BTBD9: variants seen among roughly 807,000 people sequenced by gnomAD.
BTBD9 encodes the protein BTB/POZ domain-containing protein 9.
BTBD9 carries 49 observed loss-of-function variants against 64.3 expected under a neutral mutation model. The ratio of observed to expected loss-of-function variants is 0.76; its 90% confidence interval spans 0.61 to 0.97. The LOEUF is 0.97. Among genes scored for constraint, BTBD9 ranks in the 50% least tolerant of loss-of-function variants. The pLI is 0.00. For missense variants in BTBD9, 598 were observed against 762.1 expected (o/e 0.78, Z 2.53); for synonymous variants, 260 against 274.7 (o/e 0.95, Z 0.53).
intron 1 of BTBD9, among the ~76,000 whole-genome samples, chr6:38,622,756 T>C (rs1778031628): frequency 6.6e-6 from 1 of 152,190 alleles, no homozygotes; most frequent in African/African-American, 2.4e-5. Context: ...AATTACACCC[T>C]ACAACTTCAA....
At chr6:38,372,344 G>A (rs900670107) in intron 6 of BTBD9, among the ~76,000 whole-genome samples, 1 of 152,192 alleles carries the variant, frequency 6.6e-6, no homozygotes, top group African/African-American at 2.4e-5. Flanking sequence ...ATCGCAGTAT[G>A]ATGAGGAACA....
At chr6:38,519,914 G>C (rs763774929) in intron 6 of BTBD9, among the ~76,000 whole-genome samples, 1 of 152,106 alleles carries the variant, frequency 6.6e-6, no homozygotes, top group African/African-American at 2.4e-5. Flanking sequence ...AAGCATTGCA[G>C]ACAAAGAAAG....
intron 9 of BTBD9, among the ~76,000 whole-genome samples, chr6:38,203,406 C>T (rs1561868032): frequency 6.6e-6 from 1 of 151,798 alleles, no homozygotes; most frequent in Non-Finnish European, 1.5e-5. Flanking sequence ...GGCTATCTAT[C>T]CAAAAAAAAA....
At chr6:38,436,861 T>A (rs991566372) in intron 6 of BTBD9, among the ~76,000 whole-genome samples, 1 of 152,220 alleles carries the variant, frequency 6.6e-6, no homozygotes, top group Non-Finnish European at 1.5e-5. Flanking sequence ...TGAGTTTCTC[T>A]CAGTATCTGT....
chr6:38,262,638 T>C (rs1420910912), intron 8 of BTBD9, among the ~76,000 whole-genome samples: 4 of 152,172 alleles, frequency 2.6e-5, no homozygotes, highest in Non-Finnish European at 4.4e-5. Context: ...TTTTCAAAAC[T>C]CTTTTCTTTG....
At chr6:38,586,431 A>G (rs1440935361) in intron 4 of BTBD9, among the ~76,000 whole-genome samples, 1 of 151,764 alleles carries the variant, frequency 6.6e-6, no homozygotes, top group Non-Finnish European at 1.5e-5. Flanking sequence ...GGGAAAAAAA[A>G]TCCCTGTAAT....
At chr6:38,222,260 T>TG (rs1474168669) in intron 9 of BTBD9, among the ~76,000 whole-genome samples, 2 of 122,058 alleles carry the variant, frequency 1.6e-5, no homozygotes, top group Non-Finnish European at 3.4e-5. Flanking sequence ...TTCAGTTGTT[T>TG]TTTTTTTTTT....
intron 9 of BTBD9, among the ~76,000 whole-genome samples, chr6:38,195,140 G>A (rs1357804977): frequency 6.6e-6 from 1 of 152,140 alleles, no homozygotes; most frequent in Non-Finnish European, 1.5e-5. Flanking sequence ...AACTTTTTCA[G>A]AATAACTTGC....
At chr6:38,240,473 A>G (rs985841346) in intron 9 of BTBD9, among the ~76,000 whole-genome samples, 13 of 152,230 alleles carry the variant, frequency 8.5e-5, no homozygotes, top group African/African-American at 3.1e-4. Context: ...ACATAAGCCC[A>G]TGCCCTACAG....
At chr6:38,566,690 T>G (rs758740922) in intron 6 of BTBD9, among the ~76,000 whole-genome samples, 2 of 152,194 alleles carry the variant, frequency 1.3e-5, no homozygotes, top group Non-Finnish European at 2.9e-5. Context: ...AGTCTATTGT[T>G]TTGTGTGTAA....
intron 7 of BTBD9, among the ~76,000 whole-genome samples, chr6:38,309,760 CCTTT>C (rs1026510422): frequency 4.6e-5 from 7 of 151,764 alleles, no homozygotes; most frequent in East Asian, 1.9e-4. Context: ...AAAGTAGCAG[CCTTT>C]CTTTTTTTTT....
intron 9 of BTBD9, among the ~76,000 whole-genome samples, chr6:38,251,170 A>G (rs1047043417): frequency 1.4e-5 from 2 of 140,354 alleles, no homozygotes; most frequent in South Asian, 2.1e-4. Context: ...CTAAAAAAAC[A>G]TAACAAAAAT....
intron 6 of BTBD9, among the ~76,000 whole-genome samples, chr6:38,562,363 A>G (rs1257692280): frequency 6.6e-6 from 1 of 152,200 alleles, no homozygotes; most frequent in Non-Finnish European, 1.5e-5. Flanking sequence ...AGTGTCCACC[A>G]GGTACCTTTA....
At chr6:38,280,093 C>T (rs1761453556) in intron 8 of BTBD9, among the ~76,000 whole-genome samples, 1 of 152,110 alleles carries the variant, frequency 6.6e-6, no homozygotes, top group Non-Finnish European at 1.5e-5. Context: ...TAACACACAA[C>T]TTAGTTGCCA....
intron 9 of BTBD9, among the ~76,000 whole-genome samples, chr6:38,251,570 TC>T (rs1371589789): frequency 6.6e-6 from 1 of 152,122 alleles, no homozygotes; most frequent in Non-Finnish European, 1.5e-5. Context: ...CAGGCTGCTT[TC>T]TACCATTTTT....
At chr6:38,582,830 T>A (rs1023124029) in intron 4 of BTBD9, among the ~76,000 whole-genome samples, 1 of 152,108 alleles carries the variant, frequency 6.6e-6, no homozygotes, top group African/African-American at 2.4e-5. Flanking sequence ...AAAAATACAC[T>A]ACAGATAAAA....
chr6:38,421,106 C>T (rs911496127), intron 6 of BTBD9, among the ~76,000 whole-genome samples: 2 of 151,868 alleles, frequency 1.3e-5, no homozygotes, highest in Non-Finnish European at 2.9e-5. Context: ...TCTGTAATCC[C>T]AACACTTTGG....
At chr6:38,426,687 C>T (rs1049850965) in intron 6 of BTBD9, among the ~76,000 whole-genome samples, 2 of 151,908 alleles carry the variant, frequency 1.3e-5, no homozygotes, top group Admixed American at 6.6e-5. Context: ...TGCCTGGGTT[C>T]GTCCTAATTG....
chr6:38,334,594 ACAT>A (rs1486525667), intron 7 of BTBD9, among the ~76,000 whole-genome samples: 4 of 143,038 alleles, frequency 2.8e-5, no homozygotes, highest in Non-Finnish European at 4.4e-5. Flanking sequence ...ACATAACATA[ACAT>A]AACATAACAT....
Sources: gnomAD v4.1 joint callset for allele counts (sites outside exome capture counted in the v4.1 genomes callset) on GRCh38, gnomAD v4.1.1 for gene constraint, MANE v1.5 for transcripts, NCBI Gene and HGNC (gene_info 2026-07-23, HGNC 2026-07-21) for gene names.